Variants in NFIA observed in about 807,000 individuals in gnomAD.
NFIA encodes nuclear factor 1 A-type.
In NFIA, 8 loss-of-function variants were observed where a neutral mutation model predicts 62.8. The ratio of observed to expected loss-of-function variants is 0.13; its 90% confidence interval spans 0.07 to 0.23. The LOEUF (loss-of-function observed/expected upper bound fraction) is 0.23, where lower values mean the gene tolerates loss of function less well. NFIA is among the 10% of genes least tolerant of loss of function. The probability of loss-of-function intolerance (pLI) is 1.00; values close to 1 mark genes in which losing one functional copy is unlikely to be tolerated. For synonymous variants in NFIA, 235 were observed against 238.1 expected (o/e 0.99, Z 0.12); for missense variants, 410 against 642.1 (o/e 0.64, Z 3.91).
chr1:61,354,215 A>C (rs1662706301), intron 5 of NFIA, among the ~76,000 whole-genome samples: 1 of 152,214 alleles, frequency 6.6e-6, no homozygotes, highest in Non-Finnish European at 1.5e-5. Context: ...AACCCTGATA[A>C]GGAGCTAATT....
chr1:61,135,815 C>T (rs1647173548), intron 2 of NFIA, among the ~76,000 whole-genome samples: 1 of 152,204 alleles, frequency 6.6e-6, no homozygotes, highest in African/African-American at 2.4e-5. Context: ...AGGAAACCAA[C>T]TTTCAGGTTA....
chr1:61,377,222 C>CAAAAAAA (rs112943071), intron 6 of NFIA, among the ~76,000 whole-genome samples: 1 of 150,260 alleles, frequency 6.7e-6, no homozygotes, highest in Non-Finnish European at 1.5e-5. Flanking sequence ...GACTCCATCT[C>CAAAAAAA]AAAAAAAAGA....
intron 2 of NFIA, among the ~76,000 whole-genome samples, chr1:61,122,246 TCTA>T (rs1433139969): frequency 6.6e-6 from 1 of 152,330 alleles, no homozygotes; most frequent in East Asian, 1.9e-4. Context: ...TGCCTTTTAG[TCTA>T]CTAATATGCT....
intron 4 of NFIA, among the ~76,000 whole-genome samples, chr1:61,341,578 A>G (rs34155705): frequency 0.13 from 20,213 of 152,040 alleles, 1,489 homozygotes; most frequent in African/African-American, 0.18. Context: ...CCCAGGCCCC[A>G]GGGATCCTCC....
intron 10 of NFIA, among the ~76,000 whole-genome samples, chr1:61,430,765 G>T (rs1406910691): frequency 1.3e-5 from 2 of 151,960 alleles, no homozygotes; most frequent in Non-Finnish European, 2.9e-5. Context: ...TTGTATATCT[G>T]GCCCTGGCTT....
rs1245881678 is a variant in NFIA at position 61,126,780 on chromosome 1, T to C, written c.559+38100T>C. Reference sequence around the variant, plus strand: ...GTCAGTAACTATTGTCAGATTCCTTTTTTTTTTTTTTTTTTTTTTTTGAAG... The same window carrying C: ...GTCAGTAACTATTGTCAGATTCCTTCTTTTTTTTTTTTTTTTTTTTTGAAG... On this transcript the variant is annotated intron_variant, in intron 2 of 10. Transcript: ENST00000403491. 5.0e-3 allele frequency among the ~76,000 whole-genome samples: 8 copies of C among 1,598 alleles called. No individual in the cohort carries two copies. In the East Asian group the frequency reaches 0.095, roughly 19 times the overall value. The allele number at this position is 1,598 out of a possible 152,430, so 1.0% of individuals were successfully genotyped here.
At position 61,093,678 on chromosome 1, in the gene NFIA, A is replaced by G. The variant is rs368497085; in HGVS notation, c.559+4998A>G. 1.4e-3 allele frequency among the ~76,000 whole-genome samples: 209 copies of G among 152,332 alleles called. No individual in the cohort carries two copies. In the South Asian group the frequency reaches 0.016, roughly 12 times the overall value. ...CTTTATCTGGAATGTAGTGCAAAAG[A>G]TGGTAGTTCTAAGGCAGAGAGTGTA... On this transcript the variant is annotated intron_variant, in intron 2 of 10. Transcript: ENST00000403491.
intron 7 of NFIA, among the ~76,000 whole-genome samples, chr1:61,387,456 C>T (rs1664749679): frequency 6.9e-6 from 1 of 144,618 alleles, no homozygotes; most frequent in East Asian, 2.1e-4. Flanking sequence ...CCCAGATCAG[C>T]TCAAGCACTT....
chr1:61,310,727 C>G (rs754323449), intron 3 of NFIA, among the ~76,000 whole-genome samples: 1 of 143,964 alleles, frequency 6.9e-6, no homozygotes, highest in Non-Finnish European at 1.5e-5. Flanking sequence ...TTCCTCCTTC[C>G]CCTCCCCTCT....
intron 2 of NFIA, among the ~76,000 whole-genome samples, chr1:61,176,067 G>A (rs548687657): frequency 6.6e-6 from 1 of 152,362 alleles, no homozygotes; most frequent in South Asian, 2.1e-4. Flanking sequence ...CATGGCATGT[G>A]TAAAGAAAAG....
At chr1:61,093,120 T>C (rs1447206943) in intron 2 of NFIA, among the ~76,000 whole-genome samples, 1 of 152,180 alleles carries the variant, frequency 6.6e-6, no homozygotes, top group Non-Finnish European at 1.5e-5. Context: ...ACTTCCTACA[T>C]TAGTTTGAGG....
intron 2 of NFIA, among the ~76,000 whole-genome samples, chr1:61,140,965 G>GTTTTTTTTT (rs35173386): frequency 2.3e-5 from 2 of 88,598 alleles, no homozygotes; most frequent in Non-Finnish European, 2.1e-5. Flanking sequence ...CCACAGCTGG[G>GTTTTTTTTT]TTTTTTTTTT....
chr1:61,331,554 A>G (rs142677994), intron 3 of NFIA, among the ~76,000 whole-genome samples: 6 of 152,290 alleles, frequency 3.9e-5, no homozygotes, highest in Non-Finnish European at 5.9e-5. Flanking sequence ...TCAAAGAACA[A>G]TTATTTCAAA....
upstream of NFIA, chr1:61,077,417 G>T (rs897892291): frequency 3.2e-5 from 13 of 410,506 alleles, no homozygotes; most frequent in Admixed American, 1.6e-4. Flanking sequence ...AGCGCGCCTT[G>T]CAATTGCAAA....
At chr1:61,318,680 T>C (rs1404315147) in intron 3 of NFIA, among the ~76,000 whole-genome samples, 1 of 152,200 alleles carries the variant, frequency 6.6e-6, no homozygotes, top group East Asian at 1.9e-4. Flanking sequence ...AAAAACAATC[T>C]GTCCTGTGGC....
intron 2 of NFIA, among the ~76,000 whole-genome samples, chr1:61,220,822 G>A (rs1653972072): frequency 6.6e-6 from 1 of 152,176 alleles, no homozygotes; most frequent in African/African-American, 2.4e-5. Context: ...ATTAATGTAT[G>A]CATGGGTTAG....
chr1:61,367,382 A>G (rs1663646288), intron 6 of NFIA, among the ~76,000 whole-genome samples: 1 of 152,196 alleles, frequency 6.6e-6, no homozygotes, highest in Admixed American at 6.5e-5. Flanking sequence ...ATCTCCCATC[A>G]TCTCTTGCTG....
At chr1:61,185,913 T>C (rs775600637) in intron 2 of NFIA, among the ~76,000 whole-genome samples, 6 of 152,316 alleles carry the variant, frequency 3.9e-5, no homozygotes, top group Non-Finnish European at 7.3e-5. Flanking sequence ...ATTTGATTAC[T>C]CATTTTATTT....
intron 2 of NFIA, among the ~76,000 whole-genome samples, chr1:61,100,469 G>A (rs1434243900): frequency 6.6e-6 from 1 of 152,152 alleles, no homozygotes; most frequent in African/African-American, 2.4e-5. Context: ...CTTGAGACAA[G>A]TCAGTGCCAT....
Sources: allele counts gnomAD v4.1 joint callset (sites outside exome capture counted in the v4.1 genomes callset), GRCh38; gene constraint gnomAD v4.1.1; transcripts MANE v1.5; gene names NCBI Gene and HGNC (gene_info 2026-07-23, HGNC 2026-07-21).